Variants in PTPN12 observed in about 807,000 individuals in gnomAD.
PTPN12 encodes protein tyrosine phosphatase non-receptor type 12.
PTPN12 carries 29 observed loss-of-function variants against 97.6 expected under a neutral mutation model. That is an observed-to-expected ratio of 0.30 (90% CI 0.22 to 0.41). PTPN12 has a LOEUF of 0.41. Ranked by LOEUF, PTPN12 falls within the 10% of genes least tolerant of loss-of-function variation. PTPN12 has a pLI of 1.00. For missense variants in PTPN12, 819 were observed against 926.0 expected, an observed-to-expected ratio of 0.88 and a Z score of 1.50; for synonymous variants, 327 against 300.4, an observed-to-expected ratio of 1.09 and a Z score of -0.91.
At chr7:77,590,591 C>T (rs190410395) in intron 5 of PTPN12, among the ~76,000 whole-genome samples, 158 of 149,676 alleles carry the variant, frequency 1.1e-3, no homozygotes, top group Middle Eastern at 3.5e-3. Flanking sequence ...GAGACAGTCT[C>T]GCTCTGTCGC....
chr7:77,562,650 T>C (rs1320164267), intron 1 of PTPN12, among the ~76,000 whole-genome samples: 1 of 152,176 alleles, frequency 6.6e-6, no homozygotes, highest in African/African-American at 2.4e-5. Context: ...AAGTTAAATA[T>C]ATACAGGGAC....
At chr7:77,614,875 T>G (rs184404663) in intron 11 of PTPN12, among the ~76,000 whole-genome samples, 35 of 152,328 alleles carry the variant, frequency 2.3e-4, no homozygotes, top group Non-Finnish European at 4.7e-4. Flanking sequence ...CGGTAAAAGT[T>G]TTGTTTAAAT....
chr7:77,586,954 C>T (rs1205255894), intron 5 of PTPN12, among the ~76,000 whole-genome samples: 1 of 152,214 alleles, frequency 6.6e-6, no homozygotes, highest in Non-Finnish European at 1.5e-5. Flanking sequence ...CATCTTCAAG[C>T]TCCACTTCTG....
intron 1 of PTPN12, among the ~76,000 whole-genome samples, chr7:77,547,682 A>T (rs918448958): frequency 6.6e-6 from 1 of 152,262 alleles, no homozygotes; most frequent in South Asian, 2.1e-4. Context: ...TATTCGGAAT[A>T]TAAGCCAGAG....
chr7:77,564,746 G>GTTTTTGTTTTTTTTT (rs1808165241), intron 1 of PTPN12, among the ~76,000 whole-genome samples: 1 of 45,370 alleles, frequency 2.2e-5, no homozygotes, highest in Non-Finnish European at 3.8e-5. Flanking sequence ...TTGTTGTCGT[G>GTTTTTGTTTTTTTTT]TTTTTTTTTT....
intron 14 of PTPN12, among the ~76,000 whole-genome samples, chr7:77,634,822 C>T (rs1015020589): frequency 3.9e-5 from 6 of 152,132 alleles, no homozygotes; most frequent in African/African-American, 1.4e-4. Flanking sequence ...TCGTGATCGC[C>T]CGCCTCAGCC....
At chr7:77,578,293 A>G (rs1236383502) in intron 2 of PTPN12, among the ~76,000 whole-genome samples, 1 of 152,082 alleles carries the variant, frequency 6.6e-6, no homozygotes, top group Non-Finnish European at 1.5e-5. Context: ...TATCCTAACC[A>G]CTGAATATTC....
intron 3 of PTPN12, among the ~76,000 whole-genome samples, chr7:77,582,193 C>T (rs117591504): frequency 0.019 from 2,730 of 142,708 alleles, 33 homozygotes; most frequent in Middle Eastern, 0.078. Context: ...TTCCCGGGTT[C>T]ACGCCATTCT....
At chr7:77,557,902 C>G (rs866852496) in intron 1 of PTPN12, among the ~76,000 whole-genome samples, 1 of 151,972 alleles carries the variant, frequency 6.6e-6, no homozygotes, top group East Asian at 1.9e-4. Context: ...CTCAAAAATT[C>G]GTAATAATTC....
At chr7:77,549,654 C>T (rs1157859370) in intron 1 of PTPN12, among the ~76,000 whole-genome samples, 1 of 151,282 alleles carries the variant, frequency 6.6e-6, no homozygotes, top group Non-Finnish European at 1.5e-5. Flanking sequence ...AATCATAGCT[C>T]ACTGCAGCCC....
At chr7:77,542,145 T>C (rs751585206) in intron 1 of PTPN12, among the ~76,000 whole-genome samples, 3 of 152,162 alleles carry the variant, frequency 2.0e-5, no homozygotes, top group Admixed American at 2.0e-4. Context: ...GGTCTTTTTG[T>C]GAAGGATCTT....
intron 12 of PTPN12, among the ~76,000 whole-genome samples, chr7:77,622,062 C>T (rs754592715): frequency 6.6e-6 from 1 of 152,140 alleles, no homozygotes; most frequent in Non-Finnish European, 1.5e-5. Flanking sequence ...TCAATTGAAC[C>T]TCCCACCCTA....
rs11341609 is a variant in PTPN12 at position 77,582,084 on chromosome 7, C to CTTTTTTTTTTTTTTTTTTTTTTTT, written c.285+586_285+609dup. On this transcript the variant is annotated intron_variant, in intron 3 of 17. Coordinates refer to ENST00000248594, the MANE Select transcript of PTPN12 (RefSeq NM_002835.4). ...CCCTTTGATGAAAAGCAGTCAAGTT[C>CTTTTTTTTTTTTTTTTTTTTTTTT]TTTTTTTTTTTTTTTTTTTTTTTTT... 1.1e-4 allele frequency among the ~76,000 whole-genome samples: 6 copies of CTTTTTTTTTTTTTTTTTTTTTTTT among 52,846 alleles called. 1 individual carries two copies. Among genetic ancestry groups the CTTTTTTTTTTTTTTTTTTTTTTTT allele is most frequent in the East Asian group, 1.2e-3 (2 of 1,682 alleles). 34.7% of individuals were successfully genotyped at this position (52,846 alleles called of 152,430 possible).
intron 13 of PTPN12, among the ~76,000 whole-genome samples, chr7:77,630,286 G>A (rs1470826725): frequency 6.6e-6 from 1 of 152,138 alleles, no homozygotes; most frequent in East Asian, 1.9e-4. Flanking sequence ...CAGAATTAGA[G>A]TTTTGGGGGG....
chr7:77,635,896 C>G (rs745847764), intron 15 of PTPN12, 47 bp downstream of exon 15: 2 of 1,238,294 alleles, frequency 1.6e-6, no homozygotes, highest in Non-Finnish European at 2.3e-6. Flanking sequence ...CATTTCTACT[C>G]TTTTGTTAAC....
chr7:77,615,073 T>A (rs1041495771), intron 11 of PTPN12, among the ~76,000 whole-genome samples: 1 of 152,218 alleles, frequency 6.6e-6, no homozygotes, highest in African/African-American at 2.4e-5. Flanking sequence ...TAGAGGTACC[T>A]TAATAAGCAA....
At chr7:77,621,196 A>T (rs894423051) in intron 12 of PTPN12, among the ~76,000 whole-genome samples, 5 of 152,060 alleles carry the variant, frequency 3.3e-5, no homozygotes, top group Non-Finnish European at 7.4e-5. Context: ...CAGGATCATC[A>T]ATATCACTGC....
At chr7:77,562,970 AAG>A in intron 1 of PTPN12, among the ~76,000 whole-genome samples, 1 of 151,912 alleles carries the variant, frequency 6.6e-6, no homozygotes, top group South Asian at 2.1e-4. Context: ...AAAAAAAAAA[AAG>A]AACAGCCTTG....
intron 1 of PTPN12, among the ~76,000 whole-genome samples, chr7:77,566,175 G>C (rs987678114): frequency 2.0e-5 from 3 of 152,214 alleles, no homozygotes; most frequent in African/African-American, 7.2e-5. Flanking sequence ...GTTACTGCTA[G>C]TCATAGTGGT....
Sources: allele counts gnomAD v4.1 joint callset (sites outside exome capture counted in the v4.1 genomes callset), GRCh38; gene constraint gnomAD v4.1.1; transcripts MANE v1.5; gene names NCBI Gene and HGNC (gene_info 2026-07-23, HGNC 2026-07-21).